The following KIZ variants were observed in gnomAD, a reference collection of about 807,000 sequenced individuals.
The protein encoded by KIZ is centrosomal protein kizuna.
Under a neutral mutation model 79.6 loss-of-function variants are expected in KIZ, and 68 were observed. The observed-to-expected ratio is 0.85, with a 90% CI of 0.70 to 1.05. KIZ has a LOEUF of 1.05. Among genes scored for constraint, KIZ ranks in the 50% least tolerant of loss-of-function variants. The pLI is 0.00. For synonymous variants in KIZ, 280 were observed against 281.8 expected, an observed-to-expected ratio of 0.99 and a Z score of 0.06; for missense variants, 797 against 800.4, an observed-to-expected ratio of 1.00 and a Z score of 0.05.
At chr20:21,207,680 C>T (rs1234569007) in intron 7 of KIZ, among the ~76,000 whole-genome samples, 2 of 151,872 alleles carry the variant, frequency 1.3e-5, no homozygotes, top group Admixed American at 6.6e-5. Context: ...AGATCTATTC[C>T]TTCTTTGCTG....
At chr20:21,167,244 AG>A (rs1329884123) in intron 6 of KIZ, among the ~76,000 whole-genome samples, 1 of 152,226 alleles carries the variant, frequency 6.6e-6, no homozygotes, top group African/African-American at 2.4e-5. Context: ...CATACAACTC[AG>A]TTGAAGAATT....
At chr20:21,154,159 G>A (rs1053640265) in intron 4 of KIZ, 1 of 152,096 alleles carries the variant, frequency 6.6e-6, no homozygotes, top group Non-Finnish European at 1.5e-5. Flanking sequence ...CTTCATTTCT[G>A]TTCTGCATTT....
intron 6 of KIZ, among the ~76,000 whole-genome samples, chr20:21,192,051 G>A (rs1400453415): frequency 6.6e-6 from 1 of 152,056 alleles, no homozygotes; most frequent in Admixed American, 6.5e-5. Flanking sequence ...GGAAACCAGG[G>A]CTCCAAGGAG....
chr20:21,210,592 T>C (rs2036026929), intron 7 of KIZ, among the ~76,000 whole-genome samples: 1 of 152,300 alleles, frequency 6.6e-6, no homozygotes, highest in Admixed American at 6.5e-5. Flanking sequence ...ATCTGTAATA[T>C]TTTCTTAGAA....
At chr20:21,144,879 C>T (rs1004633209) in intron 3 of KIZ, among the ~76,000 whole-genome samples, 2 of 152,096 alleles carry the variant, frequency 1.3e-5, no homozygotes, top group African/African-American at 2.4e-5. Context: ...TAATTACTAG[C>T]GTACTGAATC....
At chr20:21,190,021 G>A (rs534933759) in intron 6 of KIZ, among the ~76,000 whole-genome samples, 1 of 152,170 alleles carries the variant, frequency 6.6e-6, no homozygotes, top group Admixed American at 6.6e-5. Context: ...GTATGTGTTT[G>A]TCCTTTCTAC....
chr20:21,153,867 C>T (rs2033239777), intron 4 of KIZ, among the ~76,000 whole-genome samples: 1 of 152,148 alleles, frequency 6.6e-6, no homozygotes, highest in South Asian at 2.1e-4. Flanking sequence ...ACCATTATGA[C>T]ATAATTTAAC....
At chr20:21,138,157 G>T (rs1405843159) in intron 3 of KIZ, among the ~76,000 whole-genome samples, 1 of 152,144 alleles carries the variant, frequency 6.6e-6, no homozygotes, top group Non-Finnish European at 1.5e-5. Context: ...GCCAACTAGG[G>T]CTCATGTATT....
At chr20:21,219,872 C>T (rs897891542) in intron 9 of KIZ, among the ~76,000 whole-genome samples, 1 of 152,078 alleles carries the variant, frequency 6.6e-6, no homozygotes, top group Non-Finnish European at 1.5e-5. Flanking sequence ...ATGGAGCATG[C>T]GAGTTTTCTG....
chr20:21,131,662 A>G (rs1010009036), intron 1 of KIZ, among the ~76,000 whole-genome samples: 1 of 151,912 alleles, frequency 6.6e-6, no homozygotes, highest in Non-Finnish European at 1.5e-5. Flanking sequence ...TAGAATGTCA[A>G]CTCTTTGAGG....
At chr20:21,165,019 A>G (rs1470259635) in intron 6 of KIZ, among the ~76,000 whole-genome samples, 2 of 152,090 alleles carry the variant, frequency 1.3e-5, no homozygotes, top group African/African-American at 2.4e-5. Context: ...TTCTTAATTT[A>G]TTGTTTAACT....
At chr20:21,126,966 T>C (rs1800344248) in intron 1 of KIZ, among the ~76,000 whole-genome samples, 1 of 152,204 alleles carries the variant, frequency 6.6e-6, no homozygotes, top group South Asian at 2.1e-4. Flanking sequence ...AGAAAGGAAA[T>C]ACATTTTTGG....
intron 6 of KIZ, 39 bp from the exon 7 acceptor site, chr20:21,205,452 T>C (rs776257376): frequency 2.2e-5 from 18 of 830,294 alleles, no homozygotes; most frequent in Non-Finnish European, 2.7e-5. Flanking sequence ...TCTTATAATA[T>C]TACAAATCTA....
At chr20:21,201,398 T>C (rs1438037577) in intron 6 of KIZ, among the ~76,000 whole-genome samples, 1 of 152,212 alleles carries the variant, frequency 6.6e-6, no homozygotes, top group Non-Finnish European at 1.5e-5. Context: ...TTTATTTTTT[T>C]CCAGGTGCAA....
chr20:21,224,762 A>G (rs2036607707), intron 9 of KIZ, among the ~76,000 whole-genome samples: 1 of 152,160 alleles, frequency 6.6e-6, no homozygotes, highest in Non-Finnish European at 1.5e-5. Flanking sequence ...GGCTCTTGTA[A>G]TGGGGTGTTA....
chr20:21,233,765 AC>A (rs1167127729), intron 11 of KIZ, among the ~76,000 whole-genome samples: 1 of 152,206 alleles, frequency 6.6e-6, no homozygotes, highest in African/African-American at 2.4e-5. Context: ...TATTTTATAA[AC>A]AATACAATGT....
intron 4 of KIZ, chr20:21,148,630 T>G (rs1389527675): frequency 6.6e-6 from 1 of 152,190 alleles, no homozygotes; most frequent in Non-Finnish European, 1.5e-5. Flanking sequence ...TCCAGACATG[T>G]TCTTCTGGTT....
intron 3 of KIZ, among the ~76,000 whole-genome samples, chr20:21,141,809 ACACACACACACACACT>A (rs2122454372): frequency 7.2e-6 from 1 of 138,068 alleles, no homozygotes; most frequent in South Asian, 2.2e-4. Context: ...ACACACACAC[ACACACACACACACACT>A]CTCTCTCTCT....
chr20:21,136,262 G>T, intron 2 of KIZ, 128 bp from the exon 3 acceptor site: 3 of 590,610 alleles, frequency 5.1e-6, no homozygotes, highest in East Asian at 2.9e-5. Context: ...TTGTTGTTTG[G>T]GTTTCGGTGG....
Sources: gnomAD v4.1 joint callset for allele counts (sites outside exome capture counted in the v4.1 genomes callset) on GRCh38, gnomAD v4.1.1 for gene constraint, MANE v1.5 for transcripts, NCBI Gene and HGNC (gene_info 2026-07-23, HGNC 2026-07-21) for gene names.